Variants in ACBD6 observed in about 807,000 individuals in gnomAD.
ACBD6 encodes the protein acyl-CoA-binding domain-containing protein 6.
ACBD6 carries 28 observed loss-of-function variants against 37.2 expected under a neutral mutation model. The ratio of observed to expected loss-of-function variants is 0.75; its 90% CI spans 0.56 to 1.03. The LOEUF (loss-of-function observed/expected upper bound fraction) is 1.03, where lower values mean the gene tolerates loss of function less well. Ranked by LOEUF, ACBD6 falls within the 50% of genes least tolerant of loss-of-function variation. ACBD6 has a pLI of 0.00. For missense variants in ACBD6, 340 were observed against 337.4 expected, an observed-to-expected ratio of 1.01 and a Z score of -0.06; for synonymous variants, 113 against 126.8, an observed-to-expected ratio of 0.89 and a Z score of 0.73.
intron 5 of ACBD6, among the ~76,000 whole-genome samples, chr1:180,399,151 C>T (rs1176381849): frequency 6.6e-6 from 1 of 151,976 alleles, no homozygotes; most frequent in Non-Finnish European, 1.5e-5. Context: ...ACACAAAATC[C>T]TAAGAGGGGG....
intron 6 of ACBD6, among the ~76,000 whole-genome samples, chr1:180,353,557 T>C (rs758765704): frequency 1.6e-4 from 25 of 152,088 alleles, no homozygotes; most frequent in Admixed American, 5.9e-4. Context: ...GTCAGAATTA[T>C]GTATGCTCAG....
At chr1:180,385,077 G>A (rs897471365) in intron 6 of ACBD6, among the ~76,000 whole-genome samples, 7 of 152,096 alleles carry the variant, frequency 4.6e-5, no homozygotes, top group Admixed American at 4.6e-4. Flanking sequence ...AAGGTATAAT[G>A]TTTCATAGCA....
chr1:180,271,645 A>C, exon 14 of ACBD6: 1 of 1,446,398 alleles, frequency 6.9e-7, no homozygotes, highest in Non-Finnish European at 9.7e-7. Flanking sequence ...GCTTGACCCC[A>C]GGGCTTTTGC....
chr1:180,377,825 T>G (rs2101923433), intron 6 of ACBD6, among the ~76,000 whole-genome samples: 1 of 152,146 alleles, frequency 6.6e-6, no homozygotes, highest in Admixed American at 6.5e-5. Flanking sequence ...CACATGCCTG[T>G]AACCCCAGCT....
At chr1:180,391,718 T>A (rs994330971) in intron 6 of ACBD6, among the ~76,000 whole-genome samples, 13 of 152,134 alleles carry the variant, frequency 8.5e-5, no homozygotes, top group Admixed American at 2.6e-4. Context: ...TATAAAATGG[T>A]GCAGCCTCTC....
At chr1:180,443,913 G>A (rs1290396040) in intron 3 of ACBD6, among the ~76,000 whole-genome samples, 1 of 151,612 alleles carries the variant, frequency 6.6e-6, no homozygotes, top group African/African-American at 2.4e-5. Flanking sequence ...GTGAGCCATC[G>A]TGCCCGGCCA....
intron 1 of ACBD6, among the ~76,000 whole-genome samples, chr1:180,496,930 G>T (rs545406010): frequency 2.0e-5 from 3 of 152,284 alleles, no homozygotes; most frequent in South Asian, 2.1e-4. Flanking sequence ...AGAAGCTCAG[G>T]AGGGTTGTCT....
At chr1:180,375,069 C>T (rs923885192) in intron 6 of ACBD6, among the ~76,000 whole-genome samples, 1 of 151,912 alleles carries the variant, frequency 6.6e-6, no homozygotes, top group African/African-American at 2.4e-5. Context: ...ATAAAAATAC[C>T]AATAAGCTAT....
exon 14 of ACBD6, chr1:180,271,339 C>CAGAT: frequency 6.2e-7 from 1 of 1,612,456 alleles, no homozygotes; most frequent in Admixed American, 1.7e-5. Context: ...GCAGCTGCTG[C>CAGAT]AGATAGGCCG....
chr1:180,334,442 G>A lies in ACBD6; in HGVS notation c.664-19720C>T, dbSNP rs539158022. On this transcript the variant is annotated intron_variant, in intron 6 of 7. Transcript: ENST00000367595. ...ACCTCCAGTAAACTCCTACAGACCT[G>A]CAGCTGAAGGTCCTGACTGTTAGAA... Among the ~76,000 whole-genome samples, 37 of 152,306 alleles carry A rather than the reference G, an allele frequency of 2.4e-4. No individual in the cohort carries two copies. In the South Asian group the frequency reaches 7.5e-3, roughly 31 times the overall value.
chr1:180,355,929 G>T (rs545746642), intron 6 of ACBD6, among the ~76,000 whole-genome samples: 1 of 150,352 alleles, frequency 6.7e-6, no homozygotes. Flanking sequence ...GTGCAGTGGC[G>T]TGATCTCGGC....
chr1:180,365,084 G>A (rs1389577396), intron 6 of ACBD6, among the ~76,000 whole-genome samples: 1 of 152,134 alleles, frequency 6.6e-6, no homozygotes, highest in Non-Finnish European at 1.5e-5. Flanking sequence ...GTCATAGTTA[G>A]TGGCAGAATA....
At chr1:180,403,820 C>T (rs1004954970) in intron 5 of ACBD6, among the ~76,000 whole-genome samples, 1 of 151,990 alleles carries the variant, frequency 6.6e-6, no homozygotes, top group Non-Finnish European at 1.5e-5. Context: ...ATAAGCCAGT[C>T]AAAAGGGACA....
At chr1:180,448,743 G>T (rs1649578345) in intron 3 of ACBD6, among the ~76,000 whole-genome samples, 1 of 152,166 alleles carries the variant, frequency 6.6e-6, no homozygotes, top group African/African-American at 2.4e-5. Context: ...CCATTCTCAA[G>T]ATAGTAAGGT....
At chr1:180,358,802 C>A (rs1260396630) in intron 6 of ACBD6, among the ~76,000 whole-genome samples, 4 of 152,178 alleles carry the variant, frequency 2.6e-5, no homozygotes, top group African/African-American at 7.2e-5. Context: ...TGTAAAGACA[C>A]TGCTGGCACC....
intron 9 of ACBD6, chr1:180,278,828 AAG>A (rs1649201969): frequency 4.7e-5 from 7 of 149,540 alleles, no homozygotes; most frequent in African/African-American, 1.8e-4. Context: ...GGGGAAAAAA[AAG>A]AAAAAAAGAA....
intron 3 of ACBD6, chr1:180,435,388 AC>A (rs1346998186): frequency 5.0e-6 from 2 of 403,294 alleles, no homozygotes; most frequent in Non-Finnish European, 9.1e-6. Flanking sequence ...AACTGGGACT[AC>A]AGGCGCCCGC....
intron 7 of ACBD6, among the ~76,000 whole-genome samples, chr1:180,305,010 C>T (rs1373545657): frequency 6.6e-6 from 1 of 152,036 alleles, no homozygotes; most frequent in African/African-American, 2.4e-5. Context: ...GGAAAGGATT[C>T]CCTATTTAAT....
rs777063568 is a variant in ACBD6 at position 180,271,851 on chromosome 1, G to A, written c.*1374C>T. The A allele has an allele frequency of 1.2e-6, 2 of 1,613,876 alleles. No homozygotes were observed. The highest frequency in any genetic ancestry group is 3.3e-4 in the Middle Eastern group (2 of 6,060). On this transcript the variant is annotated 3_prime_UTR_variant, in exon 14 of 14. Coordinates refer to the ACBD6 transcript ENST00000642319. ...GTGTGGCAGGTTTGGTTTCAGAACA[G>A]AAGGGCCAAAGAGAAACGCCTGAAG...
Sources: gnomAD v4.1 joint callset for allele counts (sites outside exome capture counted in the v4.1 genomes callset) on GRCh38, gnomAD v4.1.1 for gene constraint, MANE v1.5 for transcripts, NCBI Gene and HGNC (gene_info 2026-07-23, HGNC 2026-07-21) for gene names.